The following FOXN3 variants were observed in gnomAD, a reference collection of about 807,000 sequenced individuals.
The protein encoded by FOXN3 is forkhead box protein N3.
In FOXN3, 7 loss-of-function variants were observed where a neutral mutation model predicts 38.4. The ratio of observed to expected loss-of-function variants is 0.18; its 90% CI spans 0.10 to 0.34. FOXN3 has a LOEUF of 0.34. Among genes scored for constraint, FOXN3 ranks in the 10% least tolerant of loss-of-function variants. The pLI, the probability that FOXN3 is intolerant of heterozygous loss-of-function variation, is 1.00. For missense variants in FOXN3, 456 were observed against 613.4 expected (o/e 0.74, Z 2.71); for synonymous variants, 230 against 242.2 (o/e 0.95, Z 0.47).
intron 1 of FOXN3, among the ~76,000 whole-genome samples, chr14:89,485,525 T>C (rs1039475942): frequency 1.3e-5 from 2 of 151,888 alleles, no homozygotes; most frequent in African/African-American, 4.8e-5. Flanking sequence ...GAGGGGAGGA[T>C]GGCAGGTGTG....
intron 2 of FOXN3, among the ~76,000 whole-genome samples, chr14:89,395,538 G>A (rs1469770334): frequency 1.3e-5 from 2 of 152,036 alleles, no homozygotes; most frequent in Non-Finnish European, 2.9e-5. Flanking sequence ...ATACACGAAG[G>A]TGTACAATGA....
intron 1 of FOXN3, among the ~76,000 whole-genome samples, chr14:89,471,063 T>C (rs1042837595): frequency 2.0e-5 from 3 of 152,218 alleles, no homozygotes; most frequent in Non-Finnish European, 2.9e-5. Flanking sequence ...TCCAGTTTTC[T>C]GTCTAGGAGG....
chr14:89,333,756 A>AC lies in FOXN3; in HGVS notation c.680+16915_680+16916insG, dbSNP rs1256030252. Among the ~76,000 whole-genome samples, 12 of 101,014 alleles carry AC rather than the reference A, an allele frequency of 1.2e-4. No individual in the cohort carries two copies. The South Asian group carries it at 1.3e-3, about 11-fold the overall frequency. The allele number at this position is 101,014 out of a possible 152,430, so 66.3% of individuals were successfully genotyped here. On this transcript the variant is annotated intron_variant, in intron 3 of 5. Transcript: ENST00000557258. ...TGAACACAGAGAGACTATTAAAAAA[A>AC]AAAAAAAAAAAAAAAAAAAACAGAA... is the stretch of plus-strand genomic sequence containing the variant.
At chr14:89,563,383 G>A (rs1418291255) in intron 1 of FOXN3, among the ~76,000 whole-genome samples, 2 of 152,176 alleles carry the variant, frequency 1.3e-5, no homozygotes, top group Admixed American at 1.3e-4. Flanking sequence ...AGTATCCCAG[G>A]TGTCCCACAG....
intron 1 of FOXN3, among the ~76,000 whole-genome samples, chr14:89,506,042 C>A (rs1310934631): frequency 1.4e-4 from 20 of 147,124 alleles, no homozygotes; most frequent in Non-Finnish European, 2.7e-4. Flanking sequence ...GCCCCCGGCC[C>A]GGCCAGCCGC....
At chr14:89,399,782 C>G (rs777988491) in intron 2 of FOXN3, among the ~76,000 whole-genome samples, 1 of 152,192 alleles carries the variant, frequency 6.6e-6, no homozygotes, top group Admixed American at 6.5e-5. Flanking sequence ...TACATTACAG[C>G]GCCCTACAGG....
chr14:89,435,408 C>T (rs1157684088), intron 1 of FOXN3, among the ~76,000 whole-genome samples: 2 of 151,970 alleles, frequency 1.3e-5, no homozygotes, highest in African/African-American at 2.4e-5. Context: ...CCCAATACCC[C>T]CACAGGCCCT....
chr14:89,332,844 C>T (rs1888289454), intron 3 of FOXN3, among the ~76,000 whole-genome samples: 1 of 152,154 alleles, frequency 6.6e-6, no homozygotes, highest in Non-Finnish European at 1.5e-5. Flanking sequence ...GGCACTCATA[C>T]AACTCAACAG....
At position 89,281,500 on chromosome 14, in the gene FOXN3, C is replaced by T. The variant is rs149066028; in HGVS notation, c.681-486G>A. Among the ~76,000 whole-genome samples the T allele has an allele frequency of 3.2e-3, 480 of 152,262 alleles. 4 individuals carry two copies. Among genetic ancestry groups the T allele is most frequent in the African/African-American group, 3.3e-3 (137 of 41,562 alleles). Reference sequence around the variant, plus strand: ...CTTAATATATGGAGATGACCTTAATCGATTTCCTCCTTCCCCCTCTTCTCG... The same window carrying T: ...CTTAATATATGGAGATGACCTTAATTGATTTCCTCCTTCCCCCTCTTCTCG... On this transcript the variant is annotated intron_variant, in intron 3 of 5. Coordinates refer to ENST00000557258, the MANE Select transcript of FOXN3 (RefSeq NM_005197.4).
At chr14:89,289,759 T>C (rs962540712) in intron 3 of FOXN3, among the ~76,000 whole-genome samples, 11 of 152,228 alleles carry the variant, frequency 7.2e-5, no homozygotes, top group African/African-American at 2.4e-4. Context: ...AAGGTGAACA[T>C]GTGCTCACGA....
chr14:89,410,805 C>A (rs1182651241), intron 2 of FOXN3, among the ~76,000 whole-genome samples: 1 of 149,406 alleles, frequency 6.7e-6, no homozygotes, highest in Admixed American at 6.7e-5. Flanking sequence ...CCCAGGAGGT[C>A]AAAGCTGCAG....
intron 4 of FOXN3, among the ~76,000 whole-genome samples, chr14:89,277,516 T>TACTTAACATAA (rs1886334750): frequency 1.3e-5 from 2 of 152,194 alleles, no homozygotes; most frequent in African/African-American, 4.8e-5. Flanking sequence ...CCATGCCTGG[T>TACTTAACATAA]GTAATCCAAA....
In FOXN3 at chr14:89,157,563, AAC is replaced by A. The variant is rs1887008733; in HGVS notation, c.*4849_*4850del. The A allele has an allele frequency of 6.6e-6, 1 of 152,658 alleles. No homozygotes were observed. The highest frequency in any genetic ancestry group is 2.4e-5 in the African/African-American group (1 of 41,458). The allele number at this position is 152,658 out of a possible 1,614,324, so 9.5% of individuals were successfully genotyped here. ...ATCCTCATGAAACTCCAGAAACAGG[AAC>A]ACCACACAATGTATATACTTTGATT... On this transcript the variant is annotated 3_prime_UTR_variant, in exon 6 of 6. Transcript: ENST00000557258.
chr14:89,248,433 C>T (rs11627126), intron 4 of FOXN3, among the ~76,000 whole-genome samples: 100,298 of 152,120 alleles, frequency 0.66, 33,061 homozygotes, highest in African/African-American at 0.73. Context: ...TTAATACTCT[C>T]CCCATCCCTG....
intron 1 of FOXN3, among the ~76,000 whole-genome samples, chr14:89,610,708 G>C (rs1896372052): frequency 6.6e-6 from 1 of 152,178 alleles, no homozygotes; most frequent in Non-Finnish European, 1.5e-5. Flanking sequence ...GAGAATTACA[G>C]AACAGGGGAT....
At chr14:89,240,147 C>T (rs1418910818) in intron 4 of FOXN3, among the ~76,000 whole-genome samples, 2 of 152,132 alleles carry the variant, frequency 1.3e-5, no homozygotes, top group Non-Finnish European at 2.9e-5. Context: ...TTACTGGGTA[C>T]CCAGACTTCT....
intron 1 of FOXN3, among the ~76,000 whole-genome samples, chr14:89,505,653 G>A (rs1192076864): frequency 6.6e-6 from 1 of 152,024 alleles, no homozygotes; most frequent in East Asian, 1.9e-4. Flanking sequence ...TGCCTGCCTT[G>A]GCCCCCCAAA....
At chr14:89,323,048 G>A (rs1381124825) in intron 3 of FOXN3, among the ~76,000 whole-genome samples, 1 of 152,078 alleles carries the variant, frequency 6.6e-6, no homozygotes, top group Non-Finnish European at 1.5e-5. Context: ...CAGCACTTTG[G>A]GAGGCCAAGT....
chr14:89,407,227 GTACTC>G (rs1891416190), intron 2 of FOXN3, among the ~76,000 whole-genome samples: 2 of 152,174 alleles, frequency 1.3e-5, no homozygotes, highest in Admixed American at 6.5e-5. Flanking sequence ...CAGAATGCAA[GTACTC>G]TATAGTGTAA....
Sources: allele counts gnomAD v4.1 joint callset (sites outside exome capture counted in the v4.1 genomes callset), GRCh38; gene constraint gnomAD v4.1.1; transcripts MANE v1.5; gene names NCBI Gene and HGNC (gene_info 2026-07-23, HGNC 2026-07-21).